CSMD1: variants seen among roughly 807,000 people sequenced by gnomAD.
CSMD1 encodes CUB and sushi domain-containing protein 1.
A neutral mutation model predicts 417.5 loss-of-function variants in CSMD1; 213 were observed. The ratio of observed to expected loss-of-function variants is 0.51; its 90% CI spans 0.46 to 0.57. CSMD1 has a LOEUF of 0.57. Among genes scored for constraint, CSMD1 ranks in the 20% least tolerant of loss-of-function variants. The pLI is 0.00. For synonymous variants in CSMD1, 2,862 were observed against 1,736.8 expected, an observed-to-expected ratio of 1.65 and a Z score of -16.11; for missense variants, 6,923 against 4,529.7, an observed-to-expected ratio of 1.53 and a Z score of -15.17.
At chr8:3,775,486 G>A (rs974290347) in intron 5 of CSMD1, among the ~76,000 whole-genome samples, 1 of 152,158 alleles carries the variant, frequency 6.6e-6, no homozygotes, top group African/African-American at 2.4e-5. Context: ...AAAGGACACG[G>A]GGTGAAGTTA....
intron 3 of CSMD1, among the ~76,000 whole-genome samples, chr8:4,311,480 C>T (rs1585208040): frequency 6.6e-6 from 1 of 152,078 alleles, no homozygotes; most frequent in Non-Finnish European, 1.5e-5. Flanking sequence ...CCCAGCATTT[C>T]AGAAGGCCAA....
intron 12 of CSMD1, among the ~76,000 whole-genome samples, chr8:3,447,495 G>C (rs2117087713): frequency 1.3e-5 from 2 of 152,290 alleles, no homozygotes; most frequent in South Asian, 4.1e-4. Context: ...CAGAGGAATG[G>C]GAAGTGCAGG....
intron 3 of CSMD1, among the ~76,000 whole-genome samples, chr8:4,352,928 T>C (rs970952704): frequency 6.6e-6 from 1 of 152,218 alleles, no homozygotes; most frequent in Non-Finnish European, 1.5e-5. Context: ...AAAATATTTA[T>C]AAGTAAATAC....
intron 49 of CSMD1, among the ~76,000 whole-genome samples, chr8:3,078,561 G>A (rs1013357939): frequency 1.3e-5 from 2 of 152,198 alleles, no homozygotes; most frequent in African/African-American, 4.8e-5. Context: ...ACTATGGCCT[G>A]TGGGTCGAAA....
rs140456927 is a variant in CSMD1, at chr8:4,028,646, A to G, written c.610+3259T>C. ...CTTACAATCCTAGATTAAAAGCCAG[A>G]CTTGTGTTTGGGTCATAACATTTAC... On this transcript the variant is annotated intron_variant, in intron 4 of 69. Transcript: ENST00000635120. Among the ~76,000 whole-genome samples the G allele has an allele frequency of 4.4e-3, 674 of 152,332 alleles. 4 individuals are homozygous for G. Among genetic ancestry groups the G allele is most frequent in the African/African-American group, 0.015 (641 of 41,574 alleles).
intron 7 of CSMD1, among the ~76,000 whole-genome samples, chr8:3,640,444 G>T (rs992722000): frequency 1.4e-4 from 21 of 152,230 alleles, no homozygotes; most frequent in African/African-American, 3.9e-4. Flanking sequence ...TATGTCCTCG[G>T]ACTCCTTCCT....
chr8:3,122,181 T>C (rs562427002), intron 41 of CSMD1, among the ~76,000 whole-genome samples: 1 of 152,216 alleles, frequency 6.6e-6, no homozygotes, highest in Non-Finnish European at 1.5e-5. Flanking sequence ...ATACAGAAAA[T>C]CCAAGATAAA....
chr8:4,162,813 T>G (rs1041924466), intron 3 of CSMD1, among the ~76,000 whole-genome samples: 3 of 152,164 alleles, frequency 2.0e-5, no homozygotes, highest in African/African-American at 7.2e-5. Context: ...GCTATGGGTG[T>G]GGATAAATAT....
At chr8:3,631,060 A>C (rs976956901) in intron 7 of CSMD1, among the ~76,000 whole-genome samples, 3 of 152,082 alleles carry the variant, frequency 2.0e-5, no homozygotes, top group Non-Finnish European at 2.9e-5. Context: ...CGCTCCTTCC[A>C]CCCAAAATAC....
intron 3 of CSMD1, among the ~76,000 whole-genome samples, chr8:4,071,649 G>C (rs1799564481): frequency 6.6e-6 from 1 of 152,110 alleles, no homozygotes; most frequent in African/African-American, 2.4e-5. Flanking sequence ...GCTGAAATAT[G>C]TGGAGTGATT....
chr8:3,684,623 A>G (rs1471202698), intron 7 of CSMD1, among the ~76,000 whole-genome samples: 6 of 132,122 alleles, frequency 4.5e-5, no homozygotes, highest in Non-Finnish European at 1.5e-5. Flanking sequence ...TTTTAGACGG[A>G]GTCTCGCTCT....
chr8:4,320,715 C>A (rs961814792), intron 3 of CSMD1, among the ~76,000 whole-genome samples: 2 of 152,132 alleles, frequency 1.3e-5, no homozygotes, highest in Non-Finnish European at 2.9e-5. Flanking sequence ...GCATAGTATT[C>A]CATGGTGTGT....
chr8:3,471,291 C>A (rs888449807), intron 11 of CSMD1, among the ~76,000 whole-genome samples: 1 of 152,100 alleles, frequency 6.6e-6, no homozygotes, highest in African/African-American at 2.4e-5. Context: ...AATGAGAGGT[C>A]TCTCTTTTCC....
intron 44 of CSMD1, 108 bp from the exon 45 acceptor site, chr8:3,107,906 G>C: frequency 1.5e-6 from 1 of 678,784 alleles, no homozygotes; most frequent in South Asian, 1.9e-5. Flanking sequence ...TAAGTACACG[G>C]ACTGAAATGT....
chr8:4,605,381 C>G (rs1183001538), intron 2 of CSMD1, among the ~76,000 whole-genome samples: 1 of 151,992 alleles, frequency 6.6e-6, no homozygotes, highest in Non-Finnish European at 1.5e-5. Context: ...TCCTGTAAAC[C>G]TAATTTTATA....
chr8:4,887,410 AT>A (rs1349450974), intron 1 of CSMD1, among the ~76,000 whole-genome samples: 1 of 152,068 alleles, frequency 6.6e-6, no homozygotes, highest in Non-Finnish European at 1.5e-5. Flanking sequence ...ACAACAGTTC[AT>A]CTGCAAATGA....
chr8:4,833,403 G>C (rs1340166562), intron 1 of CSMD1, among the ~76,000 whole-genome samples: 1 of 152,168 alleles, frequency 6.6e-6, no homozygotes, highest in African/African-American at 2.4e-5. Flanking sequence ...TCACTGTCAT[G>C]AGAACAGCAA....
chr8:3,677,425 C>A (rs761104158), intron 7 of CSMD1, among the ~76,000 whole-genome samples: 3 of 152,144 alleles, frequency 2.0e-5, no homozygotes, highest in Non-Finnish European at 4.4e-5. Context: ...GGAAACAAAC[C>A]TGATCCCACA....
chr8:4,353,142 T>A (rs972375973), intron 3 of CSMD1, among the ~76,000 whole-genome samples: 1 of 152,206 alleles, frequency 6.6e-6, no homozygotes, highest in African/African-American at 2.4e-5. Flanking sequence ...GGTTTGGCTG[T>A]GTCCCCACAC....
Sources: allele counts gnomAD v4.1 joint callset (sites outside exome capture counted in the v4.1 genomes callset), GRCh38; gene constraint gnomAD v4.1.1; transcripts MANE v1.5; gene names NCBI Gene and HGNC (gene_info 2026-07-23, HGNC 2026-07-21).